RALGDS: variants seen among roughly 807,000 people sequenced by gnomAD.
RALGDS encodes the protein ral guanine nucleotide exchange factor.
RALGDS carries 44 observed loss-of-function variants against 99.8 expected under a neutral mutation model. The ratio of observed to expected loss-of-function variants is 0.44; its 90% CI spans 0.35 to 0.57. The LOEUF (loss-of-function observed/expected upper bound fraction) is 0.57. Among genes scored for constraint, RALGDS ranks in the 20% least tolerant of loss-of-function variants. The pLI is 0.01. For synonymous variants in RALGDS, 529 were observed against 505.0 expected, an observed-to-expected ratio of 1.05 and a Z score of -0.64; for missense variants, 1,022 against 1,203.1, an observed-to-expected ratio of 0.85 and a Z score of 2.23.
chr9:133,098,782 G>A lies in RALGDS; in HGVS notation c.2570-20C>T, dbSNP rs1830610196. 6.2e-7 allele frequency: 1 copy of A among 1,613,152 alleles called. No individual in the cohort carries two copies. The highest frequency in any genetic ancestry group is 8.5e-7 in the Non-Finnish European group (1 of 1,179,432). On this transcript the variant is annotated intron_variant, in intron 17 of 17. Coordinates refer to ENST00000372050, the MANE Select transcript of RALGDS (RefSeq NM_006266.4). The stretch of plus-strand genomic sequence containing the variant: ...TCAGCTCTGGTGGGGAGGGGCAGAG[G>A]GGTGATCAGGGATGCTCCTGGGGGC...
chr9:133,144,370 C>T lies in RALGDS; in HGVS notation c.18+4593G>A, dbSNP rs1832588399. ...CAAACCATGGTCCTCCTCGCCACCC[C>T]TGTCACCTCCTCCTCCGCCCCCCGC... is the stretch of plus-strand genomic sequence containing the variant. On this transcript the variant is annotated intron_variant, in intron 1 of 17. Transcript: ENST00000393160. The surrounding 1 kb of genome is among the most constrained non-coding windows in gnomAD (Gnocchi z 4.5). Among the ~76,000 whole-genome samples, 1 of 152,080 alleles carries T rather than the reference C, an allele frequency of 6.6e-6. No homozygotes were observed. The highest frequency in any genetic ancestry group is 2.4e-5 in the African/African-American group (1 of 41,386).
intron 6 of RALGDS, 65 bp from the exon 7 acceptor site, chr9:133,107,365 G>A (rs2119152343): frequency 7.1e-7 from 1 of 1,407,652 alleles, no homozygotes; most frequent in Non-Finnish European, 9.9e-7. Context: ...TGGGGAAGCT[G>A]AGGATGCAGC....
upstream of RALGDS, among the ~76,000 whole-genome samples, chr9:133,133,336 C>T (rs1223400123): frequency 1.3e-5 from 2 of 152,196 alleles, no homozygotes; most frequent in Non-Finnish European, 2.9e-5. Context: ...CCAGCTGCCA[C>T]GCAGAAATGC....
chr9:133,104,638 C>T, intron 9 of RALGDS: 1 of 366,588 alleles, frequency 2.7e-6, no homozygotes, highest in Admixed American at 4.0e-5. Flanking sequence ...ACAGTGAAAC[C>T]CCATCTCTAC....
At chr9:133,120,853 A>G in intron 1 of RALGDS, 119 bp downstream of exon 1, 2 of 1,139,094 alleles carry the variant, frequency 1.8e-6, no homozygotes, top group Non-Finnish European at 2.3e-6. Context: ...AGGAGAGAGG[A>G]GGGAGGCGGC....
chr9:133,144,393 C>T lies in RALGDS; in HGVS notation c.18+4570G>A, dbSNP rs1320873751. ...CCCTGTCACCTCCTCCTCCGCCCCC[C>T]GCCGGCCTCCGACGCAAAGTCGCCA... On this transcript the variant is annotated intron_variant, in intron 1 of 17. Coordinates refer to the RALGDS transcript ENST00000393160. The surrounding 1 kb of genome is among the most constrained non-coding windows in gnomAD (Gnocchi z 4.5). Among the ~76,000 whole-genome samples the T allele has an allele frequency of 6.6e-6, 1 of 152,198 alleles. No homozygotes were observed. Among genetic ancestry groups the T allele is most frequent in the Non-Finnish European group, 1.5e-5 (1 of 68,030 alleles).
At chr9:133,114,437 C>T (rs1484404167) in intron 1 of RALGDS, among the ~76,000 whole-genome samples, 3 of 152,130 alleles carry the variant, frequency 2.0e-5, no homozygotes, top group Admixed American at 1.3e-4. Flanking sequence ...CAGAGTAAGG[C>T]CTCTATCCCT....
At chr9:133,118,637 C>T (rs1206079274) in intron 1 of RALGDS, among the ~76,000 whole-genome samples, 1 of 152,368 alleles carries the variant, frequency 6.6e-6, no homozygotes, top group Non-Finnish European at 1.5e-5. Flanking sequence ...TCTGGGCTTG[C>T]TTCCTCCAGG....
intron 9 of RALGDS, 65 bp downstream of exon 9, chr9:133,105,865 CAG>C (rs1491525155): frequency 0.011 from 268 of 24,226 alleles, 1 homozygote; most frequent in South Asian, 0.088. Context: ...GCCCCAGCCC[CAG>C]CCCCCGCCCC....
At chr9:133,109,549 TCCGGCCCCAGCC>T in intron 4 of RALGDS, 65 bp downstream of exon 4, 1 of 1,358,706 alleles carries the variant, frequency 7.4e-7, no homozygotes. Flanking sequence ...CAGCCCCGGC[TCCGGCCCCAGCC>T]CCATGTACTC....
At chr9:133,109,007 A>C (rs543694475) in intron 4 of RALGDS, 141 bp from the exon 5 acceptor site, 1 of 817,682 alleles carries the variant, frequency 1.2e-6, no homozygotes, top group South Asian at 1.6e-5. Context: ...AGAACCAAGG[A>C]GGCCCCTGGT....
At chr9:133,127,587 G>A (rs575318998) in intron 1 of RALGDS, among the ~76,000 whole-genome samples, 2 of 152,368 alleles carry the variant, frequency 1.3e-5, no homozygotes, top group African/African-American at 4.8e-5. Context: ...CTCTGTGGGC[G>A]GGTGAGCACA....
intron 17 of RALGDS, 185 bp from the exon 18 acceptor site, chr9:133,098,947 C>CCTCACAAAACCTGATGACTCTTGTTTAA: frequency 1.6e-6 from 1 of 609,956 alleles, no homozygotes; most frequent in South Asian, 1.9e-5. Flanking sequence ...CTGCTGAGGT[C>CCTCACAAAACCTGATGACTCTTGTTTAA]CTCACAAAAC....
In RALGDS at chr9:133,129,766, G is replaced by A. The variant is rs143103863; in HGVS notation, c.132+1186C>T. Among the ~76,000 whole-genome samples, 552 of 151,722 alleles carry A rather than the reference G, an allele frequency of 3.6e-3. 4 individuals are homozygous for A. The highest frequency in any genetic ancestry group is 0.013 in the African/African-American group (536 of 41,354). ...GAAGGCTTCCCTGCCCCCTAGACCT[G>A]AGCTCTTCCATCCCTGGCACCCAGG... is the stretch of plus-strand genomic sequence containing the variant. On this transcript the variant is annotated intron_variant, in intron 1 of 17. Coordinates refer to the RALGDS transcript ENST00000372062.
upstream of RALGDS, among the ~76,000 whole-genome samples, chr9:133,133,131 G>C (rs1832372453): frequency 6.6e-6 from 1 of 152,218 alleles, no homozygotes; most frequent in African/African-American, 2.4e-5. Flanking sequence ...CTCCAGCCCA[G>C]CTTCCCAAGC....
At chr9:133,104,547 C>T (rs1830922441) in intron 9 of RALGDS, 1 of 577,770 alleles carries the variant, frequency 1.7e-6, no homozygotes, top group East Asian at 2.9e-5. Context: ...TGCGGTGGCT[C>T]ACGCCTGTAA....
At chr9:133,105,884 C>CGCCCCAGCCCCA (rs1564232223) in intron 9 of RALGDS, 48 bp downstream of exon 9, 1 of 58,800 alleles carries the variant, frequency 1.7e-5, no homozygotes, top group African/African-American at 8.5e-5. Context: ...CCCCAGCCCC[C>CGCCCCAGCCCCA]GCCCCAGCCC....
chr9:133,146,256 T>C (rs1162893696), intron 1 of RALGDS, among the ~76,000 whole-genome samples: 1 of 152,164 alleles, frequency 6.6e-6, no homozygotes, highest in African/African-American at 2.4e-5. Context: ...GGCATGATCT[T>C]GGCTCACTGC....
rs1042214104 is a variant in RALGDS, at chr9:133,098,372, G to C, written c.*215C>G. The C allele has an allele frequency of 1.3e-5, 8 of 594,018 alleles. No individual in the cohort carries two copies. The highest frequency in any genetic ancestry group is 2.9e-5 in the Admixed American group (1 of 34,232). 36.8% of individuals were successfully genotyped at this position (594,018 alleles called of 1,614,324 possible). On this transcript the variant is annotated 3_prime_UTR_variant, in exon 18 of 18. Transcript: ENST00000372050. ...AGTCAGCTAGTCCTCTGGTTCCAGA[G>C]AGCAGAAGGCACCTAAGGCAGCGAG...
Sources: allele counts gnomAD v4.1 joint callset (sites outside exome capture counted in the v4.1 genomes callset), GRCh38; gene constraint gnomAD v4.1.1; non-coding constraint Gnocchi (gnomAD v3.1); transcripts MANE v1.5; gene names NCBI Gene and HGNC (gene_info 2026-07-23, HGNC 2026-07-21).